WDR25: variants seen among roughly 807,000 people sequenced by gnomAD.
The protein encoded by WDR25 is WD repeat-containing protein 25.
A neutral mutation model predicts 47.7 loss-of-function variants in WDR25; 35 were observed. The observed-to-expected ratio is 0.73, with a 90% CI of 0.56 to 0.97. WDR25 has a LOEUF of 0.97. WDR25 is among the 50% of genes least tolerant of loss of function. WDR25 has a pLI of 0.00. For missense variants in WDR25, 634 were observed against 704.7 expected (o/e 0.90, Z 1.14); for synonymous variants, 248 against 278.9 (o/e 0.89, Z 1.10).
chr14:100,499,147 A>T lies in WDR25; in HGVS notation c.1101+15023A>T, dbSNP rs1900831379. 6.6e-6 allele frequency among the ~76,000 whole-genome samples: 1 copy of T among 152,230 alleles called. No homozygotes were observed. Among genetic ancestry groups the T allele is most frequent in the Non-Finnish European group, 1.5e-5 (1 of 68,048 alleles). ...AAAAATATAAAGAAGATAACCCATT[A>T]AACTTCAACCCAGCCATAACCACCA... On this transcript the variant is annotated intron_variant, in intron 4 of 6. Transcript: ENST00000402312. This position sits in a 1 kb window ranked among gnomAD's most constrained non-coding sequence, Gnocchi z 4.4.
At chr14:100,464,902 C>G (rs1899570474) in intron 2 of WDR25, among the ~76,000 whole-genome samples, 1 of 149,924 alleles carries the variant, frequency 6.7e-6, no homozygotes, top group Non-Finnish European at 1.5e-5. Context: ...ATTTCATCTC[C>G]TCTACCCGAT....
intron 4 of WDR25, among the ~76,000 whole-genome samples, chr14:100,517,494 C>T (rs563733756): frequency 6.6e-6 from 1 of 152,134 alleles, no homozygotes; most frequent in Non-Finnish European, 1.5e-5. Context: ...AATATACATG[C>T]CTAATTTTTC....
chr14:100,473,755 T>G (rs1197571644), intron 3 of WDR25, among the ~76,000 whole-genome samples: 2 of 152,208 alleles, frequency 1.3e-5, no homozygotes, highest in Non-Finnish European at 2.9e-5. Context: ...CTCCTTGTTG[T>G]GCTAAGCCTT....
At chr14:100,403,258 C>T (rs1897433301) in intron 2 of WDR25, among the ~76,000 whole-genome samples, 1 of 152,214 alleles carries the variant, frequency 6.6e-6, no homozygotes, top group African/African-American at 2.4e-5. Context: ...TCTGGCTCAT[C>T]TCTGGATCCT....
intron 2 of WDR25, among the ~76,000 whole-genome samples, chr14:100,384,032 CTG>C (rs541982011): frequency 7.8e-4 from 119 of 152,354 alleles, no homozygotes; most frequent in African/African-American, 2.7e-3. Flanking sequence ...CCCGAGGAGA[CTG>C]TGTGTGCTGC....
rs1298475362 is a variant in WDR25, at chr14:100,425,708, C to T, written c.823-42313C>T. On this transcript the variant is annotated intron_variant, in intron 2 of 6. Coordinates refer to ENST00000402312, the MANE Select transcript of WDR25 (RefSeq NM_001161476.3). The surrounding 1 kb of genome is among the most constrained non-coding windows in gnomAD (Gnocchi z 4.8). ...GTTTTGAAGGAGTTCTCAAAAATGA[C>T]AGGTTTTATTTCAAGGGTCTTTGTT... Among the ~76,000 whole-genome samples the T allele has an allele frequency of 6.6e-6, 1 of 152,176 alleles. No homozygotes were observed. Among genetic ancestry groups the T allele is most frequent in the Non-Finnish European group, 1.5e-5 (1 of 68,022 alleles).
chr14:100,486,333 G>A (rs900403945), intron 4 of WDR25, among the ~76,000 whole-genome samples: 4 of 152,172 alleles, frequency 2.6e-5, no homozygotes, highest in Admixed American at 6.5e-5. Flanking sequence ...GCCAGCTGAC[G>A]AGCTCTGAAA....
chr14:100,396,883 G>A (rs1444454049), intron 2 of WDR25, among the ~76,000 whole-genome samples: 1 of 152,264 alleles, frequency 6.6e-6, no homozygotes, highest in Non-Finnish European at 1.5e-5. Flanking sequence ...GACCTGTTGT[G>A]AGGATAAATG....
intron 2 of WDR25, among the ~76,000 whole-genome samples, chr14:100,433,485 T>C (rs1044092119): frequency 1.2e-4 from 19 of 152,362 alleles, no homozygotes; most frequent in Admixed American, 9.8e-4. Flanking sequence ...ATTTTGCCTT[T>C]TGCAATTAAA....
In WDR25 at chr14:100,449,588, C is replaced by A. The variant is rs1255273729; in HGVS notation, c.823-18433C>A. Reference sequence around the variant, plus strand: ...GACAGCCAGGACACTCTGCCTCCACCCAGACTGGGCCTTCAGAAGGAATTA... The same window carrying A: ...GACAGCCAGGACACTCTGCCTCCACACAGACTGGGCCTTCAGAAGGAATTA... On this transcript the variant is annotated intron_variant, in intron 2 of 6. Transcript: ENST00000402312. This position sits in a 1 kb window ranked among gnomAD's most constrained non-coding sequence, Gnocchi z 4.2. Among the ~76,000 whole-genome samples the A allele has an allele frequency of 2.6e-5, 4 of 152,196 alleles. No individual in the cohort carries two copies. The highest frequency in any genetic ancestry group is 5.9e-5 in the Non-Finnish European group (4 of 68,036).
At chr14:100,421,714 G>A (rs569080645) in intron 2 of WDR25, among the ~76,000 whole-genome samples, 60 of 152,218 alleles carry the variant, frequency 3.9e-4, no homozygotes, top group Non-Finnish European at 7.4e-4. Context: ...ACGTTGGTGG[G>A]CATGCTTTTA....
intron 2 of WDR25, among the ~76,000 whole-genome samples, chr14:100,452,506 T>C (rs867378114): frequency 6.6e-6 from 1 of 152,028 alleles, no homozygotes; most frequent in Admixed American, 6.5e-5. Context: ...TCTCTCTGAG[T>C]AGAGACTTGA....
chr14:100,473,963 ATACT>A (rs1425736561), intron 3 of WDR25, among the ~76,000 whole-genome samples: 1 of 152,224 alleles, frequency 6.6e-6, no homozygotes, highest in Non-Finnish European at 1.5e-5. Flanking sequence ...AAAGCATCTG[ATACT>A]TACATGTACA....
chr14:100,400,292 G>C (rs7144855), intron 2 of WDR25, among the ~76,000 whole-genome samples: 6,315 of 152,268 alleles, frequency 0.041, 456 homozygotes, highest in African/African-American at 0.14. Context: ...AACCCACATG[G>C]CTGCACATTA....
Position 100,381,347 on chromosome 14 carries a change from G to C in WDR25, c.423G>C (p.Arg141Ser). Residue 141 changes from arginine (R) to serine (S), a missense_variant, in exon 2 of 7, where the codon AGG (arginine) becomes AGC (serine). Transcript: ENST00000402312. ...GCTTTAAGCAAGTAAAACTCTCCAG[G>C]AACTTTCCCAAGTCATCTTTCCATG... ...AARFKQVKLS[R>S]NFPKSSFHAQ... 1 of 1,614,206 alleles carries C rather than the reference G, an allele frequency of 6.2e-7. No individual in the cohort carries two copies. The highest frequency in any genetic ancestry group is 8.5e-7 in the Non-Finnish European group (1 of 1,180,024).
intron 4 of WDR25, among the ~76,000 whole-genome samples, chr14:100,509,275 C>T (rs1245584400): frequency 6.6e-6 from 1 of 152,100 alleles, no homozygotes; most frequent in East Asian, 1.9e-4. Flanking sequence ...TTCAGGTGTC[C>T]TATTTCTCCT....
rs1170703104 is a variant in WDR25 at position 100,424,650 on chromosome 14, C to T, written c.822+42904C>T. ...TGTCTTGGGCCTGGGGATGTAGAGCCCAGGTTCTGGGACCAGCCCTTCCTG... is the reference window on the plus strand; with the variant it reads ...TGTCTTGGGCCTGGGGATGTAGAGCTCAGGTTCTGGGACCAGCCCTTCCTG... On this transcript the variant is annotated intron_variant, in intron 2 of 6. Coordinates refer to ENST00000402312, the MANE Select transcript of WDR25 (RefSeq NM_001161476.3). The surrounding 1 kb of genome is among the most constrained non-coding windows in gnomAD (Gnocchi z 4.2). 6.6e-6 allele frequency among the ~76,000 whole-genome samples: 1 copy of T among 152,132 alleles called. No individual in the cohort carries two copies. Among genetic ancestry groups the T allele is most frequent in the Non-Finnish European group, 1.5e-5 (1 of 68,038 alleles).
intron 3 of WDR25, among the ~76,000 whole-genome samples, chr14:100,469,175 C>G (rs1899745161): frequency 6.6e-6 from 1 of 152,108 alleles, no homozygotes; most frequent in Non-Finnish European, 1.5e-5. Context: ...GGCCCTGCCT[C>G]TCCTAGGGTC....
rs972646808 is a variant in WDR25 at position 100,499,342 on chromosome 14, A to G, written c.1101+15218A>G. 2.0e-5 allele frequency among the ~76,000 whole-genome samples: 3 copies of G among 152,188 alleles called. No individual in the cohort carries two copies. Among genetic ancestry groups the G allele is most frequent in the Non-Finnish European group, 2.9e-5 (2 of 68,036 alleles). On this transcript the variant is annotated intron_variant, in intron 4 of 6. Coordinates refer to ENST00000402312, the MANE Select transcript of WDR25 (RefSeq NM_001161476.3). The surrounding 1 kb of genome is among the most constrained non-coding windows in gnomAD (Gnocchi z 4.4). ...AATATATTATACCAAGATGTATTTA[A>G]CCAGCCCTCTATTGTTGGGTGTTTA... is the stretch of plus-strand genomic sequence containing the variant.
Sources: gnomAD v4.1 joint callset for allele counts (sites outside exome capture counted in the v4.1 genomes callset) on GRCh38, gnomAD v4.1.1 for gene constraint, Gnocchi (gnomAD v3.1) non-coding constraint, MANE v1.5 for transcripts, NCBI Gene and HGNC (gene_info 2026-07-23, HGNC 2026-07-21) for gene names.